The following CCDC171 variants were observed in gnomAD, a reference collection of about 807,000 sequenced individuals.
CCDC171 encodes coiled-coil domain containing 171.
A neutral mutation model predicts 168.2 loss-of-function variants in CCDC171; 177 were observed. That is an observed-to-expected ratio of 1.05 (90% confidence interval 0.93 to 1.19). CCDC171 has a LOEUF of 1.19. CCDC171 is among the 50% of genes most tolerant of loss of function. The pLI is 0.00. For missense variants in CCDC171, 1,991 were observed against 1,539.0 expected (o/e 1.29, Z -4.91); for synonymous variants, 687 against 540.8 (o/e 1.27, Z -3.75).
rs1238797031 is a variant in CCDC171 at position 15,817,227 on chromosome 9, G to A, written c.3268-29475G>A. Among the ~76,000 whole-genome samples, 14 of 117,840 alleles carry A rather than the reference G, an allele frequency of 1.2e-4. 4 individuals carry two copies. The highest frequency in any genetic ancestry group is 4.5e-4 in the African/African-American group (14 of 31,324). The allele number at this position is 117,840 out of a possible 152,430, so 77.3% of individuals were successfully genotyped here. A position where few individuals can be genotyped will look rare whatever the true frequency, so the allele number is the denominator to read the frequency against. On this transcript the variant is annotated intron_variant, in intron 21 of 25. Coordinates refer to ENST00000380701, the MANE Select transcript of CCDC171 (RefSeq NM_173550.4). ...TGTACAGTGGGGTGGAGCCAAGATG[G>A]CCAAATAGGAACAGCTCCAGTCTAC...
chr9:15,918,096 A>G (rs1374192338), intron 24 of CCDC171, among the ~76,000 whole-genome samples: 1 of 151,674 alleles, frequency 6.6e-6, no homozygotes, highest in Non-Finnish European at 1.5e-5. Flanking sequence ...TTGTATCCTG[A>G]CCATTGTACA....
intron 4 of CCDC171, among the ~76,000 whole-genome samples, chr9:15,583,126 TGTG>T (rs2041264126): frequency 6.6e-6 from 1 of 151,324 alleles, no homozygotes; most frequent in Non-Finnish European, 1.5e-5. Context: ...ATAAAGAAAA[TGTG>T]GTATAGGCTG....
chr9:15,806,225 C>A (rs1044380399), intron 21 of CCDC171, among the ~76,000 whole-genome samples: 4 of 152,014 alleles, frequency 2.6e-5, no homozygotes, highest in African/African-American at 7.2e-5. Context: ...GGCATTTAGC[C>A]CATTTACACT....
chr9:15,894,269 CTTG>C (rs1820597042), intron 24 of CCDC171, among the ~76,000 whole-genome samples: 1 of 151,694 alleles, frequency 6.6e-6, no homozygotes, highest in African/African-American at 2.4e-5. Flanking sequence ...CATACTGGGG[CTTG>C]TTGGGGGCGA....
At chr9:15,650,009 AC>A (rs1358772960) in intron 7 of CCDC171, among the ~76,000 whole-genome samples, 1 of 152,148 alleles carries the variant, frequency 6.6e-6, no homozygotes, top group African/African-American at 2.4e-5. Context: ...CAAATGTCCA[AC>A]CATGATAGAC....
the CCDC171 span, among the ~76,000 whole-genome samples, chr9:16,097,075 A>G: frequency 2.6e-5 from 4 of 152,218 alleles, no homozygotes; most frequent in African/African-American, 4.8e-5. Flanking sequence ...GAGAGAAGGC[A>G]CGATGCAAAA....
chr9:15,797,200 A>G (rs1490473242), intron 21 of CCDC171, among the ~76,000 whole-genome samples: 1 of 152,126 alleles, frequency 6.6e-6, no homozygotes, highest in Non-Finnish European at 1.5e-5. Context: ...ATCTGTTCAA[A>G]CCATGTGATA....
At chr9:15,945,742 G>T (rs903173374) in intron 25 of CCDC171, among the ~76,000 whole-genome samples, 8 of 151,816 alleles carry the variant, frequency 5.3e-5, no homozygotes, top group African/African-American at 1.4e-4. Context: ...TTTTTTTCTT[G>T]TAAATTTGTT....
At chr9:15,570,438 C>A (rs1428203166) in intron 2 of CCDC171, among the ~76,000 whole-genome samples, 1 of 151,904 alleles carries the variant, frequency 6.6e-6, no homozygotes, top group Non-Finnish European at 1.5e-5. Flanking sequence ...TCTTTCAAGG[C>A]ATGCTTCTTT....
At chr9:15,938,797 T>A (rs1827384892) in intron 25 of CCDC171, among the ~76,000 whole-genome samples, 1 of 151,890 alleles carries the variant, frequency 6.6e-6, no homozygotes, top group Non-Finnish European at 1.5e-5. Flanking sequence ...TTCCAGAATG[T>A]AAGGGGCCAG....
chr9:15,990,861 A>G (rs990040790), intron 3 of CCDC171, among the ~76,000 whole-genome samples: 1 of 152,242 alleles, frequency 6.6e-6, no homozygotes, highest in African/African-American at 2.4e-5. Context: ...GGATCAATTC[A>G]ACAAGAAGAG....
In CCDC171 at chr9:15,737,782, A is replaced by ATG. The variant is rs932117250; in HGVS notation, c.2050-6479_2050-6478dup. 4.6e-5 allele frequency among the ~76,000 whole-genome samples: 7 copies of ATG among 152,004 alleles called. No individual in the cohort carries two copies. The South Asian group carries it at 1.5e-3, about 32-fold the overall frequency. ...TAAATAACCATTATGGGGCTTGAGA[A>ATG]TGTGTGTGTGTGTATGAAGACTAGA... On this transcript the variant is annotated intron_variant, in intron 16 of 25. Transcript: ENST00000380701.
At chr9:15,958,323 G>A (rs1282900720) in intron 25 of CCDC171, among the ~76,000 whole-genome samples, 4 of 151,858 alleles carry the variant, frequency 2.6e-5, no homozygotes, top group African/African-American at 4.8e-5. Context: ...TGGGGCACTT[G>A]GAATGTGGTT....
At chr9:16,007,029 C>A (rs1832720225) in intron 3 of CCDC171, among the ~76,000 whole-genome samples, 1 of 152,196 alleles carries the variant, frequency 6.6e-6, no homozygotes, top group Admixed American at 6.5e-5. Flanking sequence ...AATGGTTGAA[C>A]TAGTTTACAG....
At chr9:15,754,013 G>C (rs948138287) in intron 18 of CCDC171, among the ~76,000 whole-genome samples, 9 of 152,092 alleles carry the variant, frequency 5.9e-5, no homozygotes, top group Middle Eastern at 3.2e-3. Flanking sequence ...CCAGGGTCAT[G>C]TGTTTTCATT....
At chr9:15,907,034 A>C (rs1174979684) in intron 24 of CCDC171, among the ~76,000 whole-genome samples, 3 of 152,330 alleles carry the variant, frequency 2.0e-5, no homozygotes, top group Non-Finnish European at 4.4e-5. Flanking sequence ...AGAACATTCC[A>C]TGCTCATGGG....
chr9:15,640,028 G>T (rs2046479161), intron 7 of CCDC171, among the ~76,000 whole-genome samples: 2 of 152,124 alleles, frequency 1.3e-5, no homozygotes, highest in Admixed American at 1.3e-4. Context: ...CTGGCATATA[G>T]TAGGTACTCT....
intron 21 of CCDC171, among the ~76,000 whole-genome samples, chr9:15,842,374 G>A (rs1192019561): frequency 6.6e-6 from 1 of 151,978 alleles, no homozygotes; most frequent in Non-Finnish European, 1.5e-5. Flanking sequence ...GAAGAGATAT[G>A]CATACCCTTT....
At chr9:15,933,264 T>A (rs1826736858) in intron 25 of CCDC171, among the ~76,000 whole-genome samples, 1 of 152,002 alleles carries the variant, frequency 6.6e-6, no homozygotes, top group East Asian at 1.9e-4. Flanking sequence ...GATGTTCAAT[T>A]TCCTCACTTG....
Sources: gnomAD v4.1 joint callset for allele counts (sites outside exome capture counted in the v4.1 genomes callset) on GRCh38, gnomAD v4.1.1 for gene constraint, MANE v1.5 for transcripts, NCBI Gene and HGNC (gene_info 2026-07-23, HGNC 2026-07-21) for gene names.